CBLN2: variants seen among roughly 807,000 people sequenced by gnomAD.
CBLN2 encodes the protein cerebellin 2 precursor.
CBLN2 carries 7 observed loss-of-function variants against 15.0 expected under a neutral mutation model. The ratio of observed to expected loss-of-function variants is 0.47; its 90% CI spans 0.27 to 0.88. CBLN2 has a LOEUF of 0.88. Ranked by LOEUF, CBLN2 falls within the 40% of genes least tolerant of loss-of-function variation. CBLN2 has a pLI of 0.14. For missense variants in CBLN2, 242 were observed against 304.5 expected, an observed-to-expected ratio of 0.79 and a Z score of 1.53; for synonymous variants, 149 against 135.2, an observed-to-expected ratio of 1.10 and a Z score of -0.71.
chr18:72,616,079 G>A (rs1052310372), intron 1 of CBLN2, among the ~76,000 whole-genome samples: 2 of 152,100 alleles, frequency 1.3e-5, no homozygotes, highest in Non-Finnish European at 2.9e-5. Context: ...TGATAATGTT[G>A]AATTTTACCC....
intron 1 of CBLN2, among the ~76,000 whole-genome samples, chr18:72,584,341 C>CTTGCTCTG (rs1446563540): frequency 6.6e-6 from 1 of 150,640 alleles, no homozygotes; most frequent in Non-Finnish European, 1.5e-5. Flanking sequence ...GAGACGAAGT[C>CTTGCTCTG]TTGCTCTGTC....
intron 1 of CBLN2, among the ~76,000 whole-genome samples, chr18:72,607,912 T>C (rs1314579546): frequency 3.3e-5 from 5 of 152,214 alleles, no homozygotes; most frequent in African/African-American, 4.8e-5. Flanking sequence ...AGTAGTCTAA[T>C]CAGTACCTTT....
chr18:72,541,564 C>T (rs187431862), intron 3 of CBLN2, among the ~76,000 whole-genome samples: 1 of 152,214 alleles, frequency 6.6e-6, no homozygotes, highest in African/African-American at 2.4e-5. Context: ...CCTTAAGGGA[C>T]TCTCAGTCAT....
intron 1 of CBLN2, among the ~76,000 whole-genome samples, chr18:72,563,606 C>G (rs868642660): frequency 6.6e-6 from 1 of 152,210 alleles, no homozygotes; most frequent in Admixed American, 6.5e-5. Context: ...ACCTCATCTT[C>G]CCAGTCAAGA....
intron 1 of CBLN2, among the ~76,000 whole-genome samples, chr18:72,629,353 C>G (rs1270681367): frequency 2.0e-5 from 3 of 151,652 alleles, no homozygotes; most frequent in African/African-American, 4.9e-5. Context: ...AAAAGCATGT[C>G]CTAGAAACTA....
At chr18:72,636,959 C>G (rs780936112) in intron 1 of CBLN2, among the ~76,000 whole-genome samples, 4 of 134,532 alleles carry the variant, frequency 3.0e-5, no homozygotes, top group Non-Finnish European at 4.6e-5. Context: ...GCTCAATACA[C>G]ATGAAAAAAA....
intron 1 of CBLN2, among the ~76,000 whole-genome samples, chr18:72,632,109 T>C (rs767990806): frequency 2.6e-5 from 4 of 152,056 alleles, no homozygotes; most frequent in Admixed American, 1.3e-4. Context: ...AGTTGAAAAA[T>C]AGTAATGATC....
At chr18:72,625,787 ACTCT>A (rs374437409) in intron 1 of CBLN2, among the ~76,000 whole-genome samples, 1,005 of 79,376 alleles carry the variant, frequency 0.013, 19 homozygotes, top group Admixed American at 0.038. Flanking sequence ...TATATATATG[ACTCT>A]CTCTCTCTCT....
intron 1 of CBLN2, among the ~76,000 whole-genome samples, chr18:72,607,891 C>G (rs1347655224): frequency 2.0e-5 from 3 of 152,114 alleles, no homozygotes; most frequent in Non-Finnish European, 4.4e-5. Flanking sequence ...TTTTTTCTAG[C>G]CACATCCAGC....
intron 1 of CBLN2, among the ~76,000 whole-genome samples, chr18:72,554,757 G>A (rs1568253856): frequency 6.6e-6 from 1 of 151,726 alleles, no homozygotes; most frequent in African/African-American, 2.4e-5. Flanking sequence ...AAACGTTAAA[G>A]AAAAAAAATT....
rs1240397975 is a variant in CBLN2 at position 72,543,313 on chromosome 18, A to G, written c.-167+173T>C. On this transcript the variant is annotated intron_variant, in intron 2 of 4. Coordinates refer to ENST00000269503, the MANE Select transcript of CBLN2 (RefSeq NM_182511.4). This position sits in a 1 kb window ranked among gnomAD's most constrained non-coding sequence, Gnocchi z 6.8. ...AACTCTTCCAGTATTCTTTCTAAGA[A>G]CAGAGAAGTTGGCTCTTGATAAATA... is the stretch of plus-strand genomic sequence containing the variant. 64 of 383,138 alleles carry G rather than the reference A, an allele frequency of 1.7e-4. 1 individual carries two copies. The East Asian group carries it at 2.4e-3, about 14-fold the overall frequency. 23.7% of individuals were successfully genotyped at this position (383,138 alleles called of 1,614,324 possible). A position where few individuals can be genotyped will look rare whatever the true frequency, so the allele number is the denominator to read the frequency against.
chr18:72,596,477 A>G (rs1192003726), intron 1 of CBLN2, among the ~76,000 whole-genome samples: 3 of 152,066 alleles, frequency 2.0e-5, no homozygotes, highest in Non-Finnish European at 2.9e-5. Flanking sequence ...CAGTGTTATA[A>G]TATTCTGTGT....
chr18:72,610,779 G>T (rs1250949161), intron 1 of CBLN2, among the ~76,000 whole-genome samples: 2 of 152,084 alleles, frequency 1.3e-5, no homozygotes, highest in Middle Eastern at 3.2e-3. Flanking sequence ...TTAGATTGGG[G>T]GTACATGTGC....
intron 1 of CBLN2, among the ~76,000 whole-genome samples, chr18:72,595,441 T>C (rs180711375): frequency 5.8e-4 from 89 of 152,272 alleles, no homozygotes; most frequent in Middle Eastern, 3.4e-3. Context: ...TGGTCTAATG[T>C]ATAGTTTATC....
intron 1 of CBLN2, among the ~76,000 whole-genome samples, chr18:72,553,419 T>C (rs1011443663): frequency 2.6e-5 from 4 of 151,168 alleles, no homozygotes; most frequent in African/African-American, 9.7e-5. Context: ...ATAGTAAATA[T>C]CCCAACAGAC....
At position 72,578,657 on chromosome 18, in the gene CBLN2, A is replaced by G. The variant is rs148656661; in HGVS notation, c.16-39885T>C. On this transcript the variant is annotated intron_variant, in intron 1 of 2. Coordinates refer to the CBLN2 transcript ENST00000581073. The stretch of plus-strand genomic sequence containing the variant: ...TTATTTGTGTAAATCCTTATTACCA[A>G]GCTATTGAAGTCTTATTACCAGGCT... Among the ~76,000 whole-genome samples, 221 of 152,276 alleles carry G rather than the reference A, an allele frequency of 1.5e-3. 1 individual carries two copies. Among genetic ancestry groups the G allele is most frequent in the African/African-American group, 4.8e-3 (198 of 41,562 alleles).
chr18:72,633,109 C>A (rs2069788145), intron 1 of CBLN2, among the ~76,000 whole-genome samples: 1 of 152,070 alleles, frequency 6.6e-6, no homozygotes, highest in African/African-American at 2.4e-5. Flanking sequence ...ACTAAGTATT[C>A]AAAAAATCAA....
upstream of CBLN2, among the ~76,000 whole-genome samples, chr18:72,548,756 C>T (rs779519943): frequency 6.6e-6 from 1 of 152,142 alleles, no homozygotes; most frequent in Non-Finnish European, 1.5e-5. Context: ...ACCTTGTGCA[C>T]GCAGCATCTG....
intron 1 of CBLN2, among the ~76,000 whole-genome samples, chr18:72,561,216 C>A (rs1568255871): frequency 1.6e-5 from 2 of 124,408 alleles, no homozygotes; most frequent in African/African-American, 2.9e-5. Context: ...AAATCACTCC[C>A]AGGAAACCAA....
Sources: gnomAD v4.1 joint callset for allele counts (sites outside exome capture counted in the v4.1 genomes callset) on GRCh38, gnomAD v4.1.1 for gene constraint, Gnocchi (gnomAD v3.1) non-coding constraint, MANE v1.5 for transcripts, NCBI Gene and HGNC (gene_info 2026-07-23, HGNC 2026-07-21) for gene names.